The following SLC38A10 variants were observed in gnomAD, a reference collection of about 807,000 sequenced individuals.
The protein encoded by SLC38A10 is solute carrier family 38 member 10.
Under a neutral mutation model 81.0 loss-of-function variants are expected in SLC38A10, and 53 were observed. That is an observed-to-expected ratio of 0.65 (90% CI 0.53 to 0.82). The LOEUF is 0.82. Ranked by LOEUF, SLC38A10 falls within the 40% of genes least tolerant of loss-of-function variation. SLC38A10 has a pLI of 0.00. For synonymous variants in SLC38A10, 665 were observed against 655.3 expected, an observed-to-expected ratio of 1.01 and a Z score of -0.23; for missense variants, 1,471 against 1,545.0, an observed-to-expected ratio of 0.95 and a Z score of 0.80.
At chr17:81,271,970 G>A (rs149622849) in intron 9 of SLC38A10, among the ~76,000 whole-genome samples, 16,544 of 151,408 alleles carry the variant, frequency 0.11, 883 homozygotes, top group East Asian at 0.13. Context: ...CTCGTGATCC[G>A]CCCGCCTCGG....
At chr17:81,251,980 G>A in intron 13 of SLC38A10, 1 of 724,844 alleles carries the variant, frequency 1.4e-6, no homozygotes. Flanking sequence ...TTAGTGGTCT[G>A]GCAAACAACT....
intron 2 of SLC38A10, among the ~76,000 whole-genome samples, chr17:81,287,339 C>T (rs548464320): frequency 3.3e-5 from 5 of 152,280 alleles, no homozygotes; most frequent in African/African-American, 9.6e-5. Flanking sequence ...TGTGCGAGGA[C>T]GGGACCCAGC....
chr17:81,257,460 G>A (rs1042408992), intron 11 of SLC38A10, among the ~76,000 whole-genome samples: 1 of 152,164 alleles, frequency 6.6e-6, no homozygotes, highest in African/African-American at 2.4e-5. Context: ...ATAATTTTGT[G>A]TCATGTTTCT....
At chr17:81,254,419 C>T (rs1011892145) in intron 11 of SLC38A10, among the ~76,000 whole-genome samples, 5 of 152,220 alleles carry the variant, frequency 3.3e-5, no homozygotes, top group African/African-American at 4.8e-5. Flanking sequence ...AGAAAGCAGA[C>T]GCTAGGCTCT....
rs762837696 is a variant in SLC38A10 at position 81,272,523 on chromosome 17, G to A, written c.1017C>T (p.Ile339=). The change falls in exon 9 of 16, where the codon ATC becomes ATT. Residue 339 remains isoleucine (I), a synonymous_variant. Transcript: ENST00000374759. The part of the protein sequence containing the change: ...VFGTMVGGIL[I]PNVETILGLT... ...GCAGCCCTCCCGCCTTACCGTTGGG[G>A]ATAAGGATGCCACCAACCATGGTTC... is the stretch of plus-strand genomic sequence containing the variant. 5.0e-6 allele frequency: 8 copies of A among 1,592,572 alleles called. No individual in the cohort carries two copies. Among genetic ancestry groups the A allele is most frequent in the South Asian group, 4.6e-5 (4 of 87,628 alleles).
rs767215223 is a variant in SLC38A10, at chr17:81,289,849, T to G, written c.100-41A>C. ...AGGAACACATGTTCACAGCAGCAGGTGCTCCCCAGAGGCCCTCACCCCACA... is the reference window on the plus strand; with the variant it reads ...AGGAACACATGTTCACAGCAGCAGGGGCTCCCCAGAGGCCCTCACCCCACA... On this transcript the variant is annotated intron_variant, in intron 1 of 15. Coordinates refer to ENST00000374759, the MANE Select transcript of SLC38A10 (RefSeq NM_001037984.3). This position sits in a 1 kb window ranked among gnomAD's most constrained non-coding sequence, Gnocchi z 5.9. 6 of 1,509,220 alleles carry G rather than the reference T, an allele frequency of 4.0e-6. No homozygotes were observed. The highest frequency in any genetic ancestry group is 4.5e-6 in the Non-Finnish European group (5 of 1,119,626). The allele number at this position is 1,509,220 out of a possible 1,614,324, so 93.5% of individuals were successfully genotyped here.
chr17:81,276,585 T>G lies in SLC38A10; in HGVS notation c.730-434A>C, dbSNP rs540180560. Among the ~76,000 whole-genome samples, 380 of 152,044 alleles carry G rather than the reference T, an allele frequency of 2.5e-3. No individual in the cohort carries two copies. The highest frequency in any genetic ancestry group is 8.5e-3 in the African/African-American group (354 of 41,428). On this transcript the variant is annotated intron_variant, in intron 7 of 15. Coordinates refer to ENST00000374759, the MANE Select transcript of SLC38A10 (RefSeq NM_001037984.3). This position sits in a 1 kb window ranked among gnomAD's most constrained non-coding sequence, Gnocchi z 4.7. ...TTTTGTATTTTTAGTAGAGACAGGG[T>G]TTCACCATGTTGGCCAGGCTGGTCT...
At chr17:81,260,541 C>T (rs1050676323) in intron 10 of SLC38A10, 147 bp from the exon 11 acceptor site, 50 of 1,134,636 alleles carry the variant, frequency 4.4e-5, no homozygotes, top group Non-Finnish European at 5.6e-5. Flanking sequence ...ACGGGACAGG[C>T]GTGCAGTCGG....
chr17:81,282,455 C>T (rs2063223038), intron 4 of SLC38A10, 123 bp from the exon 5 acceptor site: 1 of 1,359,856 alleles, frequency 7.4e-7, no homozygotes, highest in Admixed American at 2.1e-5. Flanking sequence ...GTGAATGACG[C>T]CGGCGGGTCT....
In SLC38A10 at chr17:81,245,954, C is replaced by T; in HGVS notation, c.2962G>A (p.Ala988Thr). Residue 988 changes from alanine to threonine, a missense_variant, in exon 16 of 16, where the codon GCC (alanine) becomes ACC (threonine). This residue lies in a region of SLC38A10 where 751 missense variants were observed against 717.4 expected (regional missense o/e 1.05). Transcript: ENST00000374759. The part of the protein sequence containing the change: ...DHGGHLEMRK[A>T]RGGDHVPVSH... ...ACAGGCACATGGTCCCCCCCGCGGG[C>T]CTTTCTCATCTCCAGGTGACCGCCA... 1.9e-6 allele frequency: 3 copies of T among 1,604,758 alleles called. No homozygotes were observed. Among genetic ancestry groups the T allele is most frequent in the Non-Finnish European group, 1.7e-6 (2 of 1,174,726 alleles).
intron 14 of SLC38A10, among the ~76,000 whole-genome samples, chr17:81,250,292 G>A (rs575718213): frequency 8.5e-5 from 13 of 152,330 alleles, no homozygotes; most frequent in Admixed American, 7.8e-4. Context: ...TCAGAGCTCC[G>A]GGAGCCCAGG....
At position 81,253,802 on chromosome 17, in the gene SLC38A10, T is replaced by C. The variant is rs181809465; in HGVS notation, c.1289-562A>G. Among the ~76,000 whole-genome samples, 194 of 84,602 alleles carry C rather than the reference T, an allele frequency of 2.3e-3. No homozygotes were observed. The highest frequency in any genetic ancestry group is 2.5e-3 in the Non-Finnish European group (110 of 43,614). 55.5% of individuals were successfully genotyped at this position (84,602 alleles called of 152,430 possible). A position where few individuals can be genotyped will look rare whatever the true frequency, so the allele number is the denominator to read the frequency against. The stretch of plus-strand genomic sequence containing the variant: ...ATCTCCATCCCTACCACCATCACCA[T>C]CATCATCACCGTCACCATCATCACC... On this transcript the variant is annotated intron_variant, in intron 11 of 15. Coordinates refer to ENST00000374759, the MANE Select transcript of SLC38A10 (RefSeq NM_001037984.3). The surrounding 1 kb of genome is among the most constrained non-coding windows in gnomAD (Gnocchi z 4.1).
rs1202358916 is a variant in SLC38A10, at chr17:81,290,796, A to G, written c.100-988T>C. Among the ~76,000 whole-genome samples, 5 of 151,946 alleles carry G rather than the reference A, an allele frequency of 3.3e-5. No individual in the cohort carries two copies. In the South Asian group the frequency reaches 8.3e-4, roughly 25 times the overall value. ...GCCGAGGTGGGCAGATCACGAGGTC[A>G]GGAGATCGAGACCCTCCTGGCCAAC... On this transcript the variant is annotated intron_variant, in intron 1 of 15. Transcript: ENST00000374759.
At position 81,259,505 on chromosome 17, in the gene SLC38A10, G is replaced by C. The variant is rs529336070; in HGVS notation, c.1288+733C>G. Among the ~76,000 whole-genome samples, 9 of 152,326 alleles carry C rather than the reference G, an allele frequency of 5.9e-5. No homozygotes were observed. In the East Asian group the frequency reaches 1.7e-3, roughly 29 times the overall value. On this transcript the variant is annotated intron_variant, in intron 11 of 15. Coordinates refer to ENST00000374759, the MANE Select transcript of SLC38A10 (RefSeq NM_001037984.3). ...TCAGAGCTCGTGGGAGGGCTGGCCT[G>C]GGGAGGTCTGCTGCCTGCAGGGCCG...
chr17:81,256,823 G>C (rs1160606642), intron 11 of SLC38A10, among the ~76,000 whole-genome samples: 5 of 152,250 alleles, frequency 3.3e-5, no homozygotes, highest in Admixed American at 3.3e-4. Flanking sequence ...CTCATGGTCT[G>C]ATCTTTGCGA....
At chr17:81,250,808 C>A in intron 14 of SLC38A10, 1 of 999,986 alleles carries the variant, frequency 1.0e-6, no homozygotes, top group Non-Finnish European at 1.2e-6. Context: ...TGCTACCCAA[C>A]TGCATGAGGC....
chr17:81,251,205 C>T (rs770900028), intron 14 of SLC38A10: 8 of 1,545,886 alleles, frequency 5.2e-6, no homozygotes, highest in East Asian at 2.3e-5. Context: ...GTGACAATGC[C>T]GCAGGTGTTT....
At chr17:81,252,748 G>C in intron 12 of SLC38A10, 65 bp from the exon 13 acceptor site, 1 of 1,519,142 alleles carries the variant, frequency 6.6e-7, no homozygotes, top group Non-Finnish European at 8.7e-7. Context: ...CAGGGAATTA[G>C]AACTGGGTTC....
rs767650613 is a variant in SLC38A10, at chr17:81,246,682, G to A, written c.2243-9C>T. On this transcript the variant is annotated splice_polypyrimidine_tract_variant and intron_variant, in intron 15 of 15. Coordinates refer to ENST00000374759, the MANE Select transcript of SLC38A10 (RefSeq NM_001037984.3). ...CTCTTGATGCACCTCCACTGCAAAT[G>A]AAGTCGGTCATCAATTTAGCCACAG... The A allele has an allele frequency of 4.0e-6, 6 of 1,502,584 alleles. No homozygotes were observed. The highest frequency in any genetic ancestry group is 2.8e-5 in the South Asian group (2 of 72,626). The allele number at this position is 1,502,584 out of a possible 1,614,324, so 93.1% of individuals were successfully genotyped here.
Sources: gnomAD v4.1 joint callset for allele counts (sites outside exome capture counted in the v4.1 genomes callset) on GRCh38, gnomAD v4.1.1 for gene constraint, gnomAD v4.1.1 regional missense constraint, Gnocchi (gnomAD v3.1) non-coding constraint, MANE v1.5 for transcripts, NCBI Gene and HGNC (gene_info 2026-07-23, HGNC 2026-07-21) for gene names.